Variants in BRPF3 observed in about 807,000 individuals in gnomAD.
BRPF3 encodes bromodomain and PHD finger-containing protein 3.
BRPF3 carries 18 observed loss-of-function variants against 102.0 expected under a neutral mutation model. That is an observed-to-expected ratio of 0.18 (90% CI 0.12 to 0.26). The LOEUF (loss-of-function observed/expected upper bound fraction) is 0.26. BRPF3 is among the 10% of genes least tolerant of loss of function. BRPF3 has a pLI of 1.00. For synonymous variants in BRPF3, 570 were observed against 614.2 expected, an observed-to-expected ratio of 0.93 and a Z score of 1.06; for missense variants, 1,147 against 1,567.8, an observed-to-expected ratio of 0.73 and a Z score of 4.53.
rs200923470 is a variant in BRPF3, at chr6:36,200,718, G to A, written c.396G>A (p.Pro132=). Residue 132 remains proline, a synonymous_variant, in exon 2 of 13, where the codon CCG becomes CCA. Transcript: ENST00000357641. This position sits in a 1 kb window ranked among gnomAD's most constrained non-coding sequence, Gnocchi z 5.3. ...CAGGCATCCAGCCAGAAGCACCCCC[G>A]CTGCCTGCTGCCTACTACCGCTACA... is the stretch of plus-strand genomic sequence containing the variant. The part of the protein sequence containing the change: ...VDSGIQPEAP[P]LPAAYYRYIE... The A allele has an allele frequency of 7.4e-6, 12 of 1,614,124 alleles. No individual in the cohort carries two copies. Among genetic ancestry groups the A allele is most frequent in the South Asian group, 4.4e-5 (4 of 91,084 alleles).
chr6:36,213,845 A>G, intron 7 of BRPF3, 35 bp from the exon 8 acceptor site: 1 of 1,549,090 alleles, frequency 6.5e-7, no homozygotes, highest in Non-Finnish European at 8.7e-7. Context: ...GACTCTTTCT[A>G]AAATGTTCAA....
At chr6:36,211,712 C>A in intron 7 of BRPF3, 152 bp downstream of exon 7, 1 of 852,926 alleles carries the variant, frequency 1.2e-6, no homozygotes, top group South Asian at 1.8e-5. Flanking sequence ...TCCATGTATA[C>A]GCAGGGATGA....
At position 36,209,805 on chromosome 6, in the gene BRPF3, G is replaced by A. The variant is rs766471107; in HGVS notation, c.1756G>A (p.Ala586Thr). The change falls in exon 5 of 13, where the codon GCC becomes ACC. Residue 586 changes from alanine (A) to threonine (T), a missense_variant. Around this residue, in one of 11 missense-constraint regions of BRPF3, gnomAD observed 44 missense variants for 38.6 expected, o/e 1.14. Transcript: ENST00000357641. ...KREQVKVQQA[A>T]MELELMPFNV... ...CCCACAGGTCAAAGTCCAGCAGGCT[G>A]CCATGGAGCTGGAGCTGATGCCATT... is the stretch of plus-strand genomic sequence containing the variant. 6 of 1,614,190 alleles carry A rather than the reference G, an allele frequency of 3.7e-6. No homozygotes were observed. Among genetic ancestry groups the A allele is most frequent in the Non-Finnish European group, 5.1e-6 (6 of 1,180,002 alleles).
At position 36,230,440 on chromosome 6, in the gene BRPF3, G is replaced by A. The variant is rs745704008; in HGVS notation, c.3449G>A (p.Arg1150Lys). Residue 1150 changes from arginine (R) to lysine (K), a missense_variant, in exon 13 of 13, where the codon AGG (arginine) becomes AAG (lysine). Arg to Lys is a conservative substitution (Grantham distance 26). This residue lies in a region of BRPF3 where 85 missense variants were observed against 172.9 expected (regional missense o/e 0.49). Transcript: ENST00000357641. The surrounding 1 kb of genome is among the most constrained non-coding windows in gnomAD (Gnocchi z 5.4). Reference protein sequence around the residue: ...DNKRTWQWLPRDKVLPLGVED... With the variant: ...DNKRTWQWLPKDKVLPLGVED... ...TTGCATTTCAGGCAGTGGCTTCCAAGGGACAAAGTCCTGCCCTTGGGTGTG... is the reference window on the plus strand; with the variant it reads ...TTGCATTTCAGGCAGTGGCTTCCAAAGGACAAAGTCCTGCCCTTGGGTGTG... 6.2e-7 allele frequency: 1 copy of A among 1,614,034 alleles called. No homozygotes were observed. The highest frequency in any genetic ancestry group is 8.5e-7 in the Non-Finnish European group (1 of 1,179,958).
At position 36,211,356 on chromosome 6, in the gene BRPF3, T is replaced by G; in HGVS notation, c.2278T>G (p.Ser760Ala). Residue 760 changes from serine to alanine, a missense_variant, in exon 7 of 13, where the codon TCC (serine) becomes GCC (alanine). This residue lies in a region of BRPF3 where 379 missense variants were observed against 426.3 expected (regional missense o/e 0.89). Coordinates refer to ENST00000357641, the MANE Select transcript of BRPF3 (RefSeq NM_015695.3). ...ACTGGACCTGGTGAGCGCCATGCGG[T>G]CCAGTGGGGCCCGCACCCGTCGTGT... ...EKLDLVSAMR[S>A]SGARTRRVRL... The G allele has an allele frequency of 6.2e-7, 1 of 1,614,180 alleles. No homozygotes were observed. The highest frequency in any genetic ancestry group is 8.5e-7 in the Non-Finnish European group (1 of 1,180,020).
chr6:36,216,447 G>A (rs56727895), intron 8 of BRPF3, among the ~76,000 whole-genome samples: 11,153 of 152,258 alleles, frequency 0.073, 748 homozygotes, highest in African/African-American at 0.18. Flanking sequence ...CTGGCACTCA[G>A]GGATACTTCT....
intron 3 of BRPF3, among the ~76,000 whole-genome samples, chr6:36,206,820 C>T (rs186171671): frequency 3.0e-4 from 46 of 152,282 alleles, no homozygotes; most frequent in African/African-American, 1.1e-3. Context: ...TGCTAATATG[C>T]CCTTGTGCTT....
In BRPF3 at chr6:36,230,554, T is replaced by C; in HGVS notation, c.3563T>C (p.Ile1188Thr). Reference protein sequence around the residue: ...SVQVAYDRAMIHLSRVRGPHS... With the variant: ...SVQVAYDRAMTHLSRVRGPHS... Reference sequence around the variant, plus strand: ...CAGGTGGCCTATGACCGTGCGATGATCCACCTGAGCAGAGTCCGGGGGCCC... The same window carrying C: ...CAGGTGGCCTATGACCGTGCGATGACCCACCTGAGCAGAGTCCGGGGGCCC... The change falls in exon 13 of 13, where the codon ATC becomes ACC. Residue 1188 changes from isoleucine (I) to threonine (T), a missense_variant. By Grantham distance (89) the Ile-to-Thr change is moderately conservative. Around this residue, in one of 11 missense-constraint regions of BRPF3, gnomAD observed 85 missense variants for 172.9 expected, o/e 0.49. Transcript: ENST00000357641. This position sits in a 1 kb window ranked among gnomAD's most constrained non-coding sequence, Gnocchi z 5.4. The C allele has an allele frequency of 1.2e-6, 2 of 1,614,162 alleles. No individual in the cohort carries two copies. Among genetic ancestry groups the C allele is most frequent in the Non-Finnish European group, 1.7e-6 (2 of 1,180,010 alleles).
intron 7 of BRPF3, 29 bp downstream of exon 7, chr6:36,211,589 G>T (rs1328012101): frequency 1.9e-6 from 3 of 1,545,412 alleles, no homozygotes; most frequent in Non-Finnish European, 2.6e-6. Flanking sequence ...CAGGCAGGGG[G>T]TTGGAGGGTA....
chr6:36,197,652 G>A (rs1767550625), intron 1 of BRPF3: 1 of 151,288 alleles, frequency 6.6e-6, no homozygotes, highest in Admixed American at 6.6e-5. Context: ...GGGTGCCGAG[G>A]GGAAATCTGG....
Position 36,204,641 on chromosome 6 carries a change from G to T in BRPF3, c.1449-17G>T, listed in dbSNP as rs773820315. Reference sequence around the variant, plus strand: ...CCCACTGACCTTGTCTTTCACTTCCGTGTGCCTCTACTCAAGGTTGAACAA... The same window carrying T: ...CCCACTGACCTTGTCTTTCACTTCCTTGTGCCTCTACTCAAGGTTGAACAA... On this transcript the variant is annotated splice_polypyrimidine_tract_variant and intron_variant, in intron 2 of 12. Transcript: ENST00000357641. The T allele has an allele frequency of 2.5e-6, 4 of 1,614,038 alleles. No individual in the cohort carries two copies. The highest frequency in any genetic ancestry group is 1.3e-5 in the African/African-American group (1 of 74,922).
rs1432668276 is a variant in BRPF3 at position 36,232,382 on chromosome 6, C to T, written c.*1773C>T. The T allele has an allele frequency of 6.6e-6, 1 of 152,346 alleles. No homozygotes were observed. Among genetic ancestry groups the T allele is most frequent in the Non-Finnish European group, 1.5e-5 (1 of 68,040 alleles). The allele number at this position is 152,346 out of a possible 1,614,324, so 9.4% of individuals were successfully genotyped here. ...GTGGACTCTGTGACCTTTGTCTAAA[C>T]CTGTGTTGTAAGATCTTGGGACTTC... is the stretch of plus-strand genomic sequence containing the variant. On this transcript the variant is annotated 3_prime_UTR_variant, in exon 13 of 13. Transcript: ENST00000357641.
Position 36,201,487 on chromosome 6 carries a change from C to T in BRPF3, c.1165C>T (p.Pro389Ser), listed in dbSNP as rs774157573. The T allele has an allele frequency of 6.2e-7, 1 of 1,614,038 alleles. No individual in the cohort carries two copies. The highest frequency in any genetic ancestry group is 1.3e-5 in the African/African-American group (1 of 74,922). ...TGCCTACTGTGAGGCCCACTCGCCACCAGGTGCGGCCACTGCTAGGAGGAA... is the reference window on the plus strand; with the variant it reads ...TGCCTACTGTGAGGCCCACTCGCCATCAGGTGCGGCCACTGCTAGGAGGAA... ...KTAYCEAHSP[P>S]GAATARRKGD... is the part of the protein sequence containing the mutation. The change falls in exon 2 of 13, where the codon CCA becomes TCA. Residue 389 changes from proline to serine, a missense_variant. Transcript: ENST00000357641. The surrounding 1 kb of genome is among the most constrained non-coding windows in gnomAD (Gnocchi z 5.1).
Position 36,227,356 on chromosome 6 carries a change from C to T in BRPF3, c.3280-1546C>T, listed in dbSNP as rs192493208. ...AATGTTGACTCCAAGCATTTTGTAT[C>T]GTTCTATTTATTGTTCGCATATTCA... On this transcript the variant is annotated intron_variant, in intron 11 of 12. Transcript: ENST00000357641. Among the ~76,000 whole-genome samples, 287 of 152,112 alleles carry T rather than the reference C, an allele frequency of 1.9e-3. 1 individual carries two copies. Among genetic ancestry groups the T allele is most frequent in the Non-Finnish European group, 2.7e-3 (182 of 67,992 alleles).
rs1413008697 is a variant in BRPF3 at position 36,213,951 on chromosome 6, TC to T, written c.2561del (p.Pro854ArgfsTer6). 1.2e-6 allele frequency: 2 copies of T among 1,613,434 alleles called. No homozygotes were observed. The highest frequency in any genetic ancestry group is 1.7e-6 in the Non-Finnish European group (2 of 1,179,828). On this transcript the variant is annotated frameshift_variant, in exon 8 of 13. Coordinates refer to ENST00000357641, the MANE Select transcript of BRPF3 (RefSeq NM_015695.3). LOFTEE classifies it high-confidence loss of function. ...TGCACCTTCCTTGTCTGAGCAAGAA[TC>T]CCCCCCGGAGCCCCCTACTCTGAAA... Reference protein sequence around the residue: ...GPAPSLSEQESPPEPPTLKPI... With the variant: ...GPAPSLSEQEXPPEPPTLKPI...
At position 36,210,656 on chromosome 6, in the gene BRPF3, C is replaced by T. The variant is rs1262422425; in HGVS notation, c.2179+128C>T. Reference sequence around the variant, plus strand: ...CTCCAGGAGCAAAGCTGAGGGTGAGCACAGACTGAGGTATACCTTTGTGGC... The same window carrying T: ...CTCCAGGAGCAAAGCTGAGGGTGAGTACAGACTGAGGTATACCTTTGTGGC... On this transcript the variant is annotated intron_variant, in intron 6 of 12. Transcript: ENST00000357641. This position sits in a 1 kb window ranked among gnomAD's most constrained non-coding sequence, Gnocchi z 4.7. The T allele has an allele frequency of 1.2e-6, 1 of 807,634 alleles. No individual in the cohort carries two copies. Among genetic ancestry groups the T allele is most frequent in the South Asian group, 1.8e-5 (1 of 56,168 alleles). The allele number at this position is 807,634 out of a possible 1,614,324, so 50.0% of individuals were successfully genotyped here.
intron 2 of BRPF3, chr6:36,204,415 T>G (rs952682169): frequency 1.9e-5 from 10 of 528,056 alleles, no homozygotes; most frequent in African/African-American, 7.7e-5. Context: ...GGGAGATGGT[T>G]CTTTTGGAGG....
intron 8 of BRPF3, among the ~76,000 whole-genome samples, chr6:36,215,335 C>T (rs1222695800): frequency 2.0e-5 from 3 of 152,114 alleles, no homozygotes; most frequent in Non-Finnish European, 4.4e-5. Flanking sequence ...AGGCTGGTCA[C>T]CTGACCTCAA....
In BRPF3 at chr6:36,201,863, C is replaced by T; in HGVS notation, c.1448+93C>T. 1 of 1,485,616 alleles carries T rather than the reference C, an allele frequency of 6.7e-7. No individual in the cohort carries two copies. 92.0% of individuals were successfully genotyped at this position (1,485,616 alleles called of 1,614,324 possible). On this transcript the variant is annotated intron_variant, in intron 2 of 12. Coordinates refer to ENST00000357641, the MANE Select transcript of BRPF3 (RefSeq NM_015695.3). The surrounding 1 kb of genome is among the most constrained non-coding windows in gnomAD (Gnocchi z 5.1). ...CAGGCCTTCGCTAAACACAGTTGGA[C>T]ACTATATCCTCCTCCCCGAATTTAA...
Sources: allele counts gnomAD v4.1 joint callset (sites outside exome capture counted in the v4.1 genomes callset), GRCh38; gene constraint gnomAD v4.1.1; regional missense constraint gnomAD v4.1.1; non-coding constraint Gnocchi (gnomAD v3.1); transcripts MANE v1.5; gene names NCBI Gene and HGNC (gene_info 2026-07-23, HGNC 2026-07-21).